Variants in ACE observed in about 807,000 individuals in gnomAD.
ACE encodes the protein angiotensin I converting enzyme.
A neutral mutation model predicts 162.3 loss-of-function variants in ACE; 122 were observed. That is an observed-to-expected ratio of 0.75 (90% confidence interval 0.65 to 0.87). ACE has a LOEUF of 0.87. Ranked by LOEUF, ACE falls within the 40% of genes least tolerant of loss-of-function variation. The pLI, the probability that ACE is intolerant of heterozygous loss-of-function variation, is 0.00. For synonymous variants in ACE, 796 were observed against 720.6 expected (o/e 1.10, Z -1.68); for missense variants, 1,799 against 1,735.1 (o/e 1.04, Z -0.65).
At chr17:63,485,672 G>A (rs1203917954) in intron 13 of ACE, 22 of 383,350 alleles carry the variant, frequency 5.7e-5, no homozygotes, top group South Asian at 4.5e-4. Context: ...GTACTCAGGA[G>A]GCTGAGGCAG....
At chr17:63,495,237 T>C (rs946912653) in intron 22 of ACE, among the ~76,000 whole-genome samples, 3 of 152,162 alleles carry the variant, frequency 2.0e-5, no homozygotes, top group African/African-American at 7.2e-5. Context: ...TCCTTCTGTG[T>C]GCCCCGGGAG....
In ACE at chr17:63,484,193, C is replaced by T. The variant is rs2029861795; in HGVS notation, c.1710-137C>T. The stretch of plus-strand genomic sequence containing the variant: ...GCCCCCTGCCACCATCAGAGAGATC[C>T]CAGGCCCCAGGGTCTTATTGCCACA... On this transcript the variant is annotated intron_variant, in intron 11 of 24. Transcript: ENST00000290866. The surrounding 1 kb of genome is among the most constrained non-coding windows in gnomAD (Gnocchi z 4.0). 4 of 1,251,668 alleles carry T rather than the reference C, an allele frequency of 3.2e-6. No individual in the cohort carries two copies. The highest frequency in any genetic ancestry group is 3.4e-6 in the Non-Finnish European group (3 of 893,858). The allele number at this position is 1,251,668 out of a possible 1,614,324, so 77.5% of individuals were successfully genotyped here. A position where few individuals can be genotyped will look rare whatever the true frequency, so the allele number is the denominator to read the frequency against.
At position 63,496,897 on chromosome 17, in the gene ACE, C is replaced by A. The variant is rs775204602; in HGVS notation, c.3603C>A (p.Phe1201Leu). 9 of 1,613,592 alleles carry A rather than the reference C, an allele frequency of 5.6e-6. No individual in the cohort carries two copies. Among genetic ancestry groups the A allele is most frequent in the Non-Finnish European group, 7.6e-6 (9 of 1,180,026 alleles). Residue 1201 changes from phenylalanine (F) to leucine (L), a missense_variant, in exon 24 of 25, where the codon TTC (phenylalanine) becomes TTA (leucine). Coordinates refer to ENST00000290866, the MANE Select transcript of ACE (RefSeq NM_000789.4). Reference sequence around the variant, plus strand: ...GCGCCTCGGCCATGTTGAGCTACTTCAAGCCGCTGCTGGACTGGCTCCGCA... The same window carrying A: ...GCGCCTCGGCCATGTTGAGCTACTTAAAGCCGCTGCTGGACTGGCTCCGCA... The part of the protein sequence containing the change: ...NMSASAMLSY[F>L]KPLLDWLRTE...
chr17:63,484,703 G>T lies in ACE; in HGVS notation c.1921+162G>T. ...GCTCATCAGCAGGGCCTGCGAGTGG[G>T]GACAGGCATGTCTTTCCCCCAGCAT... On this transcript the variant is annotated intron_variant, in intron 12 of 24. Coordinates refer to ENST00000290866, the MANE Select transcript of ACE (RefSeq NM_000789.4). This position sits in a 1 kb window ranked among gnomAD's most constrained non-coding sequence, Gnocchi z 4.0. 1 of 1,448,914 alleles carries T rather than the reference G, an allele frequency of 6.9e-7. No individual in the cohort carries two copies. The highest frequency in any genetic ancestry group is 9.1e-7 in the Non-Finnish European group (1 of 1,102,472). The allele number at this position is 1,448,914 out of a possible 1,614,324, so 89.8% of individuals were successfully genotyped here.
intron 7 of ACE, 25 bp from the exon 8 acceptor site, chr17:63,482,441 C>G (rs376422018): frequency 1.2e-6 from 2 of 1,608,414 alleles, no homozygotes; most frequent in Non-Finnish European, 1.7e-6. Flanking sequence ...CCGTCACTCT[C>G]ACCCTCGCCC....
rs1302801087 is a variant in ACE at position 63,493,747 on chromosome 17, A to C, written c.3136+88A>C. The C allele has an allele frequency of 6.5e-6, 10 of 1,530,068 alleles. No individual in the cohort carries two copies. The East Asian group carries it at 2.3e-4, about 36-fold the overall frequency. 94.8% of individuals were successfully genotyped at this position (1,530,068 alleles called of 1,614,324 possible). ...GTGGGAAAGGGGCACTTAGTGGCCCATGGGCAGAGGTGTGGGGCAGAGCAA... is the reference window on the plus strand; with the variant it reads ...GTGGGAAAGGGGCACTTAGTGGCCCCTGGGCAGAGGTGTGGGGCAGAGCAA... On this transcript the variant is annotated intron_variant, in intron 20 of 24. Coordinates refer to ENST00000290866, the MANE Select transcript of ACE (RefSeq NM_000789.4).
At chr17:63,488,871 GGAA>G in intron 16 of ACE, 67 bp from the exon 17 acceptor site, 3 of 1,613,830 alleles carry the variant, frequency 1.9e-6, no homozygotes, top group Non-Finnish European at 2.5e-6. Context: ...CCCAAGCCTA[GGAA>G]AAGGTAGATC....
intron 23 of ACE, 133 bp from the exon 24 acceptor site, chr17:63,496,665 C>T (rs530712889): frequency 1.3e-6 from 2 of 1,572,784 alleles, no homozygotes; most frequent in East Asian, 2.3e-5. Context: ...TGATTGCCAT[C>T]TCCTTAGGCA....
chr17:63,482,812 G>T (rs962731548), intron 8 of ACE, 123 bp downstream of exon 8: 1 of 1,195,390 alleles, frequency 8.4e-7, no homozygotes, highest in South Asian at 1.3e-5. Context: ...AGGTCAGGCA[G>T]GGTTCGGGAT....
Position 63,483,159 on chromosome 17 carries a change from C to T in ACE, c.1473C>T (p.Asp491=). 1 of 1,614,026 alleles carries T rather than the reference C, an allele frequency of 6.2e-7. No homozygotes were observed. The highest frequency in any genetic ancestry group is 8.5e-7 in the Non-Finnish European group (1 of 1,180,016). ...CCCCCCCTTCCCGCTACAACTTCGA[C>T]TGGTGGTATCTTCGGTGAGAGGAGG... ...GRTPPSRYNF[D]WWYLRTKYQG... is the part of the protein sequence containing the mutation. The change falls in exon 9 of 25, where the codon GAC becomes GAT. Residue 491 remains aspartate, a synonymous_variant. Transcript: ENST00000290866.
intron 19 of ACE, 86 bp from the exon 20 acceptor site, chr17:63,493,350 G>A (rs2030504921): frequency 1.5e-6 from 2 of 1,316,394 alleles, no homozygotes; most frequent in Admixed American, 1.7e-5. Context: ...GTCTGCCCTG[G>A]GTATAGCAAG....
rs755506668 is a variant in ACE at position 63,496,874 on chromosome 17, G to T, written c.3580G>T (p.Ala1194Ser). The change falls in exon 24 of 25, where the codon GCC (alanine) becomes TCC (serine). Residue 1194 changes from alanine to serine, a missense_variant. By Grantham distance (99) the Ala-to-Ser change is moderately conservative (BLOSUM62 1). Transcript: ENST00000290866. ...QLITGQPNMS[A>S]SAMLSYFKPL... ...GATCACGGGCCAGCCCAACATGAGCGCCTCGGCCATGTTGAGCTACTTCAA... is the reference window on the plus strand; with the variant it reads ...GATCACGGGCCAGCCCAACATGAGCTCCTCGGCCATGTTGAGCTACTTCAA... 6.8e-6 allele frequency: 11 copies of T among 1,613,494 alleles called. No individual in the cohort carries two copies. The highest frequency in any genetic ancestry group is 9.3e-6 in the Non-Finnish European group (11 of 1,180,046).
chr17:63,482,457 A>ACGC lies in ACE; in HGVS notation c.1119-7_1119-5dup. ...CGTCACTCTCACCCTCGCCCTCTCT[A>ACGC]CGCCCCAGGATCAAGCAGTGCACAC... On this transcript the variant is annotated splice_polypyrimidine_tract_variant and intron_variant, in intron 7 of 24. Coordinates refer to ENST00000290866, the MANE Select transcript of ACE (RefSeq NM_000789.4). 6.2e-7 allele frequency: 1 copy of ACGC among 1,612,732 alleles called. No individual in the cohort carries two copies. Among genetic ancestry groups the ACGC allele is most frequent in the Middle Eastern group, 1.7e-4 (1 of 6,054 alleles).
chr17:63,486,344 G>T, intron 13 of ACE: 1 of 620,148 alleles, frequency 1.6e-6, no homozygotes, highest in South Asian at 1.9e-5. Flanking sequence ...CTGGATATGT[G>T]TTGCTTGACC....
chr17:63,496,236 C>G, intron 22 of ACE, 158 bp from the exon 23 acceptor site: 1 of 1,083,690 alleles, frequency 9.2e-7, no homozygotes, highest in Non-Finnish European at 1.4e-6. Context: ...GGTGGGGGAG[C>G]TCACCCTGAT....
chr17:63,491,293 A>G lies in ACE; in HGVS notation c.2824A>G (p.Asn942Asp), dbSNP rs1290388486. 1.2e-6 allele frequency: 2 copies of G among 1,614,126 alleles called. No homozygotes were observed. Among genetic ancestry groups the G allele is most frequent in the East Asian group, 2.2e-5 (1 of 44,852 alleles). Reference protein sequence around the residue: ...GLLPVPPEFWNKSMLEKPTDG... With the variant: ...GLLPVPPEFWDKSMLEKPTDG... ...GCTGCCCGTGCCTCCTGAGTTCTGG[A>G]ACAAGTCGATGCTGGAGAAGCCAAC... is the stretch of plus-strand genomic sequence containing the variant. The change falls in exon 19 of 25, where the codon AAC becomes GAC. Residue 942 changes from asparagine (N) to aspartate (D), a missense_variant. By Grantham distance (23) the Asn-to-Asp change is conservative (BLOSUM62 1). Transcript: ENST00000290866. This position sits in a 1 kb window ranked among gnomAD's most constrained non-coding sequence, Gnocchi z 4.4.
In ACE at chr17:63,492,681, A is replaced by G. The variant is rs1005191127; in HGVS notation, c.2913-755A>G. Among the ~76,000 whole-genome samples the G allele has an allele frequency of 3.3e-4, 51 of 152,346 alleles. 1 individual carries two copies. Among genetic ancestry groups the G allele is most frequent in the South Asian group, 8.3e-4 (4 of 4,830 alleles). On this transcript the variant is annotated intron_variant, in intron 19 of 24. Coordinates refer to ENST00000290866, the MANE Select transcript of ACE (RefSeq NM_000789.4). ...GATTCACCTGAGCCAAAAGGCTTCCAGTTAGATCCAAGAGAGAATTTCCCG... is the reference window on the plus strand; with the variant it reads ...GATTCACCTGAGCCAAAAGGCTTCCGGTTAGATCCAAGAGAGAATTTCCCG...
intron 17 of ACE, 142 bp downstream of exon 17, chr17:63,489,274 AG>A: frequency 4.1e-6 from 4 of 979,764 alleles, no homozygotes; most frequent in Non-Finnish European, 4.4e-6. Context: ...CCCAGGCTGG[AG>A]GGGGGTGGGC....
At position 63,488,777 on chromosome 17, in the gene ACE, C is replaced by T. The variant is rs751806358; in HGVS notation, c.2435C>T (p.Ala812Val). The T allele has an allele frequency of 1.2e-6, 2 of 1,614,022 alleles. No individual in the cohort carries two copies. Among genetic ancestry groups the T allele is most frequent in the South Asian group, 2.2e-5 (2 of 91,078 alleles). Residue 812 changes from alanine to valine, a missense_variant, in exon 16 of 25, where the codon GCT becomes GTT. By Grantham distance (64) the Ala-to-Val change is moderately conservative. Transcript: ENST00000290866. ...AAATACGTGGAACTCATCAACCAGG[C>T]TGCCCGGCTCAATGGTGAGTCCCTG... The part of the protein sequence containing the change: ...YPKYVELINQ[A>V]ARLNGYVDAG...
Sources: gnomAD v4.1 joint callset for allele counts (sites outside exome capture counted in the v4.1 genomes callset) on GRCh38, gnomAD v4.1.1 for gene constraint, Gnocchi (gnomAD v3.1) non-coding constraint, MANE v1.5 for transcripts, NCBI Gene and HGNC (gene_info 2026-07-23, HGNC 2026-07-21) for gene names.